Variants in GTF2H3 observed in about 807,000 individuals in gnomAD.
The protein encoded by GTF2H3 is TFIIH basal transcription factor complex p34 subunit.
A neutral mutation model predicts 51.1 loss-of-function variants in GTF2H3; 42 were observed. The observed-to-expected ratio is 0.82, with a 90% CI of 0.64 to 1.06. The LOEUF (loss-of-function observed/expected upper bound fraction) is 1.06. Among genes scored for constraint, GTF2H3 ranks in the 50% least tolerant of loss-of-function variants. The probability of loss-of-function intolerance (pLI) is 0.00; values close to 1 mark genes in which losing one functional copy is unlikely to be tolerated. For missense variants in GTF2H3, 326 were observed against 366.1 expected (o/e 0.89, Z 0.89); for synonymous variants, 123 against 123.8 (o/e 0.99, Z 0.04).
rs147980357 is a variant in GTF2H3 at position 123,648,008 on chromosome 12, C to T, written c.246C>T (p.Phe82=). The change falls in exon 4 of 13, where the codon TTC becomes TTT. Residue 82 remains phenylalanine (F), a synonymous_variant. Transcript: ENST00000543341. ...PGKNGRLGDF[F]GDPGNPPEFN... ...AGAATGGCAGACTTGGAGACTTCTT[C>T]GGAGACCCTGGCAACCCTCCTGAAT... The T allele has an allele frequency of 2.2e-5, 36 of 1,613,320 alleles. No homozygotes were observed. The Middle Eastern group carries it at 6.6e-4, about 29-fold the overall frequency.
chr12:123,662,093 C>T lies in GTF2H3; in HGVS notation c.*1858C>T, dbSNP rs1425146229. ...GCAGTGAGCCAAGATCAAGATTGCG[C>T]CATTGCACTCCAGCCTGGGCGACAA... On this transcript the variant is annotated 3_prime_UTR_variant, in exon 13 of 13. Coordinates refer to ENST00000543341, the MANE Select transcript of GTF2H3 (RefSeq NM_001516.5). The T allele has an allele frequency of 6.7e-6, 1 of 148,994 alleles. No homozygotes were observed. Among genetic ancestry groups the T allele is most frequent in the Admixed American group, 6.8e-5 (1 of 14,792 alleles). 9.2% of individuals were successfully genotyped at this position (148,994 alleles called of 1,614,324 possible).
At chr12:123,645,593 G>A in intron 3 of GTF2H3, 32 bp downstream of exon 3, 1 of 1,097,238 alleles carries the variant, frequency 9.1e-7, no homozygotes, top group Non-Finnish European at 1.4e-6. Flanking sequence ...TTGCTCTTCA[G>A]TGCTTAATAT....
intron 4 of GTF2H3, among the ~76,000 whole-genome samples, chr12:123,648,835 A>G (rs990113508): frequency 1.3e-5 from 2 of 152,130 alleles, no homozygotes; most frequent in Non-Finnish European, 2.9e-5. Context: ...TAAAATTTTT[A>G]TAGGGACGGG....
chr12:123,652,582 A>G (rs1301284133), intron 6 of GTF2H3, 21 bp downstream of exon 6: 9 of 1,511,454 alleles, frequency 6.0e-6, no homozygotes, highest in Non-Finnish European at 8.1e-6. Context: ...ACGTTTTCCT[A>G]TGAGAACTGT....
chr12:123,635,029 C>T (rs971084258), intron 1 of GTF2H3, among the ~76,000 whole-genome samples: 1 of 152,130 alleles, frequency 6.6e-6, no homozygotes, highest in African/African-American at 2.4e-5. Flanking sequence ...ATTGTCCATC[C>T]TCTCTTAATT....
rs143420415 is a variant in GTF2H3, at chr12:123,647,997, G to A, written c.235G>A (p.Gly79Arg). Residue 79 changes from glycine (G) to arginine (R), a missense_variant, in exon 4 of 13, where the codon GGA (glycine) becomes AGA (arginine). Transcript: ENST00000543341. ...ATATCCTGGAAAGAATGGCAGACTT[G>A]GAGACTTCTTCGGAGACCCTGGCAA... Reference protein sequence around the residue: ...FLYPGKNGRLGDFFGDPGNPP... With the variant: ...FLYPGKNGRLRDFFGDPGNPP... 6 of 1,613,550 alleles carry A rather than the reference G, an allele frequency of 3.7e-6. No individual in the cohort carries two copies. In the African/African-American group the frequency reaches 6.7e-5, roughly 18 times the overall value.
chr12:123,656,705 C>A (rs755247892), intron 9 of GTF2H3, among the ~76,000 whole-genome samples: 1 of 152,196 alleles, frequency 6.6e-6, no homozygotes, highest in Non-Finnish European at 1.5e-5. Context: ...GCAGTTCACT[C>A]AGCAACTCAA....
chr12:123,637,366 A>G (rs1355055906), intron 1 of GTF2H3, among the ~76,000 whole-genome samples: 1 of 152,026 alleles, frequency 6.6e-6, no homozygotes, highest in Non-Finnish European at 1.5e-5. Context: ...AGACCCCCCC[A>G]TCTCTTAAAA....
chr12:123,654,900 A>G (rs759885188), intron 7 of GTF2H3, 24 bp from the exon 8 acceptor site: 5 of 1,564,554 alleles, frequency 3.2e-6, no homozygotes, highest in Non-Finnish European at 4.4e-6. Context: ...GCCTGGGTGG[A>G]ATTAACATGA....
At position 123,648,034 on chromosome 12, in the gene GTF2H3, T is replaced by G. The variant is rs1303260362; in HGVS notation, c.272T>G (p.Phe91Cys). ...FFGDPGNPPE[F>C]NPSGSKDGKY... ...GGAGACCCTGGCAACCCTCCTGAAT[T>G]TAATCCCTCTGGGAGTAAAGATGGA... The change falls in exon 4 of 13, where the codon TTT becomes TGT. Residue 91 changes from phenylalanine (F) to cysteine (C), a missense_variant. Coordinates refer to ENST00000543341, the MANE Select transcript of GTF2H3 (RefSeq NM_001516.5). 6.2e-7 allele frequency: 1 copy of G among 1,612,060 alleles called. No homozygotes were observed. Among genetic ancestry groups the G allele is most frequent in the South Asian group, 1.1e-5 (1 of 91,030 alleles).
intron 1 of GTF2H3, among the ~76,000 whole-genome samples, chr12:123,634,773 T>C (rs1379896618): frequency 6.6e-6 from 1 of 152,224 alleles, no homozygotes; most frequent in Non-Finnish European, 1.5e-5. Context: ...GTCTTGAAGA[T>C]TTAAAAGGAG....
Position 123,639,314 on chromosome 12 carries a change from T to TG in GTF2H3, c.68dup (p.Gln25AlafsTer66). ...TGTAGTTGATGCCAACCCAATTTGGTGGGGAAAGCAAGCATTAAAGGAATC... is the reference window on the plus strand; with the variant it reads ...TGTAGTTGATGCCAACCCAATTTGGTGGGGGAAAGCAAGCATTAAAGGAATC... On this transcript the variant is annotated frameshift_variant, in exon 2 of 13. Transcript: ENST00000543341. LOFTEE classifies it high-confidence loss of function. The TG allele has an allele frequency of 6.3e-7, 1 of 1,589,650 alleles. No homozygotes were observed. Among genetic ancestry groups the TG allele is most frequent in the Non-Finnish European group, 8.6e-7 (1 of 1,157,866 alleles).
intron 4 of GTF2H3, chr12:123,649,986 G>C (rs946573112): frequency 6.6e-6 from 1 of 152,324 alleles, no homozygotes. Flanking sequence ...GATCTAGGGA[G>C]GTCCTGAGAA....
In GTF2H3 at chr12:123,648,104, G is replaced by A. The variant is rs369699844; in HGVS notation, c.342G>A (p.Glu114=). ...CAGCAAATGAAGTTATTGTTGAAGA[G>A]ATTAAAGATCTAATGACCAAAAGTA... The part of the protein sequence containing the change: ...LTSANEVIVE[E]IKDLMTKSDI... Residue 114 remains glutamate, a synonymous_variant, in exon 4 of 13, where the codon GAG becomes GAA. Transcript: ENST00000543341. 3.4e-5 allele frequency: 55 copies of A among 1,606,100 alleles called. No homozygotes were observed. Among genetic ancestry groups the A allele is most frequent in the African/African-American group, 6.7e-5 (5 of 74,604 alleles).
chr12:123,645,582 T>G (rs781172338), intron 3 of GTF2H3, 21 bp downstream of exon 3: 1 of 1,266,450 alleles, frequency 7.9e-7, no homozygotes, highest in Non-Finnish European at 1.2e-6. Context: ...TGTGATTGCT[T>G]TTGCTCTTCA....
chr12:123,653,355 G>T (rs1475735683), intron 7 of GTF2H3, among the ~76,000 whole-genome samples: 1 of 151,428 alleles, frequency 6.6e-6, no homozygotes, highest in East Asian at 1.9e-4. Context: ...CTGGCAGGGT[G>T]GGGAGATTTA....
chr12:123,654,751 G>A (rs981411546), intron 7 of GTF2H3, among the ~76,000 whole-genome samples, 173 bp from the exon 8 acceptor site: 6 of 152,132 alleles, frequency 3.9e-5, no homozygotes, highest in Admixed American at 6.6e-5. Flanking sequence ...TACGTGGAGC[G>A]GGATTTCGGG....
intron 2 of GTF2H3, among the ~76,000 whole-genome samples, chr12:123,643,174 G>A (rs149674193): frequency 3.3e-5 from 5 of 152,196 alleles, no homozygotes; most frequent in African/African-American, 4.8e-5. Context: ...TACTACGCCC[G>A]GCCCAACCAT....
Position 123,661,280 on chromosome 12 carries a change from T to C in GTF2H3, c.*1045T>C, listed in dbSNP as rs1384183627. On this transcript the variant is annotated 3_prime_UTR_variant, in exon 13 of 13. Coordinates refer to ENST00000543341, the MANE Select transcript of GTF2H3 (RefSeq NM_001516.5). ...ATCTTGAAATTATTAAAAGTCCTTT[T>C]AGCTTCTAGCACATATTTGTACAAA... 1.3e-5 allele frequency: 2 copies of C among 152,204 alleles called. No homozygotes were observed. Among genetic ancestry groups the C allele is most frequent in the Non-Finnish European group, 2.9e-5 (2 of 68,038 alleles). The allele number at this position is 152,204 out of a possible 1,614,324, so 9.4% of individuals were successfully genotyped here. A position where few individuals can be genotyped will look rare whatever the true frequency, so the allele number is the denominator to read the frequency against.
Sources: gnomAD v4.1 joint callset for allele counts (sites outside exome capture counted in the v4.1 genomes callset) on GRCh38, gnomAD v4.1.1 for gene constraint, MANE v1.5 for transcripts, NCBI Gene and HGNC (gene_info 2026-07-23, HGNC 2026-07-21) for gene names.